POLR1C: variants seen among roughly 807,000 people sequenced by gnomAD.
The protein encoded by POLR1C is DNA-directed RNA polymerases I and III subunit RPAC1.
A neutral mutation model predicts 38.3 loss-of-function variants in POLR1C; 42 were observed. That is an observed-to-expected ratio of 1.10 (90% CI 0.86 to 1.42). The LOEUF is 1.42. POLR1C is among the 40% of genes most tolerant of loss of function. POLR1C has a pLI of 0.00. For missense variants in POLR1C, 507 were observed against 450.5 expected (o/e 1.13, Z -1.14); for synonymous variants, 163 against 163.9 (o/e 0.99, Z 0.04).
At chr6:43,540,661 AT>A (rs1433465412) in intron 9 of POLR1C, among the ~76,000 whole-genome samples, 2 of 152,150 alleles carry the variant, frequency 1.3e-5, no homozygotes, top group African/African-American at 4.8e-5. Context: ...TTCAAAAAAA[AT>A]AAATTAAAAA....
In POLR1C at chr6:43,519,406, T is replaced by C; in HGVS notation, c.215T>C (p.Ile72Thr). 1.9e-6 allele frequency: 3 copies of C among 1,613,924 alleles called. No individual in the cohort carries two copies. The highest frequency in any genetic ancestry group is 2.5e-6 in the Non-Finnish European group (3 of 1,179,766). ...GACATGGTGGGAATTGACGCAGCCA[T>C]TGCCAATGCTTTTCGACGAATTCTG... ...EFDMVGIDAA[I>T]ANAFRRILLA... is the part of the protein sequence containing the mutation. The change falls in exon 3 of 9, where the codon ATT becomes ACT. Residue 72 changes from isoleucine to threonine, a missense_variant. Physicochemically the swap from Ile to Thr is moderately conservative, Grantham distance 89. Coordinates refer to ENST00000642195, the MANE Select transcript of POLR1C (RefSeq NM_203290.4).
At chr6:43,542,477 T>C (rs947697283) in intron 9 of POLR1C, among the ~76,000 whole-genome samples, 1 of 152,164 alleles carries the variant, frequency 6.6e-6, no homozygotes, top group Non-Finnish European at 1.5e-5. Flanking sequence ...TAACATGATC[T>C]CAGCTCACTG....
downstream of POLR1C, chr6:43,522,853 G>C (rs530264890): frequency 7.7e-6 from 2 of 260,648 alleles, no homozygotes; most frequent in Non-Finnish European, 1.8e-5. Context: ...TCTCTTTACA[G>C]GGCCTTTCAG....
chr6:43,520,986 T>G lies in POLR1C; in HGVS notation c.860T>G (p.Ile287Ser). The G allele has an allele frequency of 6.2e-7, 1 of 1,614,142 alleles. No individual in the cohort carries two copies. Among genetic ancestry groups the G allele is most frequent in the Middle Eastern group, 1.6e-4 (1 of 6,062 alleles). ...NPRLDTFSREIFRNEKLKKVV... is the reference protein window; with the variant it reads ...NPRLDTFSRESFRNEKLKKVV... ...CGGCTGGATACCTTCAGCAGAGAAA[T>G]CTTCCGGAATGAGAAGCTAAAGAAG... is the stretch of plus-strand genomic sequence containing the variant. The change falls in exon 8 of 9, where the codon ATC (isoleucine) becomes AGC (serine). Residue 287 changes from isoleucine (I) to serine (S), a missense_variant. Ile to Ser is a moderately radical substitution (Grantham distance 142). Transcript: ENST00000642195.
chr6:43,525,205 T>C (rs749760225), downstream of POLR1C: 19 of 1,575,682 alleles, frequency 1.2e-5, no homozygotes, highest in Non-Finnish European at 1.6e-5. Flanking sequence ...AATAGCGCTG[T>C]ACAAACATCC....
rs1793040033 is a variant in POLR1C, at chr6:43,519,771, T to C, written c.315T>C (p.Ile105=). The part of the protein sequence containing the change: ...YNNTSIVQDE[I]LAHRLGLIPI... ...ATACATCCATTGTTCAGGATGAGATTCTTGCTCACCGTCTGGGGCTCATTC... is the reference window on the plus strand; with the variant it reads ...ATACATCCATTGTTCAGGATGAGATCCTTGCTCACCGTCTGGGGCTCATTC... The change falls in exon 4 of 9, where the codon ATT becomes ATC. Residue 105 remains isoleucine, a synonymous_variant. Transcript: ENST00000642195. The C allele has an allele frequency of 6.2e-7, 1 of 1,614,070 alleles. No homozygotes were observed. Among genetic ancestry groups the C allele is most frequent in the African/African-American group, 1.3e-5 (1 of 74,914 alleles).
intron 8 of POLR1C, chr6:43,526,634 A>G: frequency 1.9e-6 from 3 of 1,601,460 alleles, no homozygotes; most frequent in Non-Finnish European, 2.6e-6. Context: ...CAGAAGGAAC[A>G]GTATTTAGGA....
chr6:43,559,495 C>T (rs948190779), intron 10 of POLR1C, among the ~76,000 whole-genome samples: 21 of 152,152 alleles, frequency 1.4e-4, no homozygotes, highest in South Asian at 8.3e-4. Context: ...ACTCTCACTC[C>T]CCTCATTTCC....
chr6:43,562,112 T>A, exon 11 of POLR1C: 2 of 592,536 alleles, frequency 3.4e-6, no homozygotes, highest in South Asian at 4.7e-5. Flanking sequence ...ATCTATAGAA[T>A]CATGCAATAA....
At chr6:43,528,892 G>A (rs778502782) in intron 8 of POLR1C, 2 of 1,613,740 alleles carry the variant, frequency 1.2e-6, no homozygotes, top group South Asian at 2.2e-5. Context: ...GTGCTCTGGG[G>A]GACAGAAGAG....
At chr6:43,529,210 G>A in intron 8 of POLR1C, 1 of 1,422,796 alleles carries the variant, frequency 7.0e-7, no homozygotes. Flanking sequence ...GGACATCCTT[G>A]TAACAAACTC....
At chr6:43,531,805 T>C (rs982094937), downstream of POLR1C, among the ~76,000 whole-genome samples, 8 of 152,168 alleles carry the variant, frequency 5.3e-5, no homozygotes, top group African/African-American at 1.9e-4. Flanking sequence ...TGCTTTTTTT[T>C]TTCCCCCAGA....
At chr6:43,533,753 T>C (rs541013651), downstream of POLR1C, 34 of 428,290 alleles carry the variant, frequency 7.9e-5, no homozygotes, top group African/African-American at 4.7e-4. Context: ...GAAGACTGCT[T>C]GAGTCCAAGA....
chr6:43,534,379 A>G (rs913256427), downstream of POLR1C, among the ~76,000 whole-genome samples: 1 of 152,210 alleles, frequency 6.6e-6, no homozygotes. Flanking sequence ...AGGTAGGAAC[A>G]CAGAGGAGGT....
chr6:43,547,560 A>G, intron 9 of POLR1C: 3 of 1,558,264 alleles, frequency 1.9e-6, no homozygotes, highest in African/African-American at 2.7e-5. Context: ...ACAACACCCT[A>G]CTCCTACCCA....
At chr6:43,531,556 C>G (rs1793980981), downstream of POLR1C, 1 of 1,613,734 alleles carries the variant, frequency 6.2e-7, no homozygotes, top group African/African-American at 1.3e-5. Context: ...CATTGAGTTC[C>G]AAGAGAGGTT....
At chr6:43,549,637 A>G (rs1037274685) in intron 9 of POLR1C, 1 of 1,562,932 alleles carries the variant, frequency 6.4e-7, no homozygotes, top group African/African-American at 1.4e-5. Flanking sequence ...CAGGTGCTGC[A>G]TAGACTCATG....
intron 9 of POLR1C, chr6:43,549,499 T>C (rs2127730721): frequency 6.2e-7 from 1 of 1,611,830 alleles, no homozygotes; most frequent in Non-Finnish European, 8.5e-7. Context: ...CAGCACAAGC[T>C]GGGGGTAGTC....
At chr6:43,539,218 A>G in intron 9 of POLR1C, 3 of 1,183,386 alleles carry the variant, frequency 2.5e-6, no homozygotes, top group Non-Finnish European at 3.7e-6. Flanking sequence ...GCACGGGGAC[A>G]ATGGAGAGCT....
Sources: gnomAD v4.1 joint callset for allele counts (sites outside exome capture counted in the v4.1 genomes callset) on GRCh38, gnomAD v4.1.1 for gene constraint, MANE v1.5 for transcripts, NCBI Gene and HGNC (gene_info 2026-07-23, HGNC 2026-07-21) for gene names.